SMOC2: variants seen among roughly 807,000 people sequenced by gnomAD.
SMOC2 encodes SPARC-related modular calcium-binding protein 2.
A neutral mutation model predicts 61.4 loss-of-function variants in SMOC2; 39 were observed. The ratio of observed to expected loss-of-function variants is 0.64; its 90% CI spans 0.49 to 0.83. SMOC2 has a LOEUF of 0.83. SMOC2 is among the 40% of genes least tolerant of loss of function. SMOC2 has a pLI of 0.00. For synonymous variants in SMOC2, 247 were observed against 239.9 expected (o/e 1.03, Z -0.27); for missense variants, 556 against 592.9 (o/e 0.94, Z 0.65).
chr6:168,624,817 AT>A (rs1395326703), intron 9 of SMOC2, among the ~76,000 whole-genome samples: 1 of 151,846 alleles, frequency 6.6e-6, no homozygotes, highest in East Asian at 1.9e-4. Context: ...ACAGACACAC[AT>A]TGACATACAG....
chr6:168,470,229 C>G (rs900225768), intron 1 of SMOC2, among the ~76,000 whole-genome samples: 2 of 152,248 alleles, frequency 1.3e-5, no homozygotes, highest in African/African-American at 4.8e-5. Flanking sequence ...CTGCCAGTAT[C>G]AGTCTCTGCT....
intron 9 of SMOC2, among the ~76,000 whole-genome samples, chr6:168,614,055 G>C (rs1459111845): frequency 4.9e-5 from 4 of 81,236 alleles, no homozygotes; most frequent in Admixed American, 1.3e-4. Context: ...ACAGCCAGCA[G>C]GGGGCCTCTT....
intron 3 of SMOC2, among the ~76,000 whole-genome samples, chr6:168,527,261 C>T (rs1254796116): frequency 6.6e-6 from 1 of 152,088 alleles, no homozygotes; most frequent in Non-Finnish European, 1.5e-5. Context: ...CTAAAGAGGC[C>T]GAGGTTGCTC....
chr6:168,551,141 G>A (rs914418612), intron 7 of SMOC2, among the ~76,000 whole-genome samples: 3 of 152,116 alleles, frequency 2.0e-5, no homozygotes, highest in Non-Finnish European at 2.9e-5. Flanking sequence ...TAACCCCTTC[G>A]CTGGGCACTT....
chr6:168,459,085 G>A (rs1431802411), intron 1 of SMOC2, among the ~76,000 whole-genome samples: 2 of 152,144 alleles, frequency 1.3e-5, no homozygotes, highest in Non-Finnish European at 2.9e-5. Context: ...TCGATGTGGT[G>A]GGTGCTCTCA....
At chr6:168,664,632 C>T in intron 12 of SMOC2, 2 of 440,096 alleles carry the variant, frequency 4.5e-6, no homozygotes, top group South Asian at 1.7e-5. Flanking sequence ...TTTTGGGGTC[C>T]CAGCAAGACA....
intron 9 of SMOC2, among the ~76,000 whole-genome samples, chr6:168,623,329 A>ATTTTTTTTT (rs11284179): frequency 1.8e-4 from 23 of 129,072 alleles, no homozygotes; most frequent in South Asian, 5.0e-4. Context: ...TGGATAATTA[A>ATTTTTTTTT]TTTTTTTTTT....
At chr6:168,533,549 C>A (rs555857052) in intron 4 of SMOC2, among the ~76,000 whole-genome samples, 1 of 152,288 alleles carries the variant, frequency 6.6e-6, no homozygotes, top group Non-Finnish European at 1.5e-5. Context: ...ATTCCCAAAT[C>A]CTGAGATCAA....
chr6:168,624,006 A>G (rs1372777465), intron 9 of SMOC2, among the ~76,000 whole-genome samples: 1 of 152,194 alleles, frequency 6.6e-6, no homozygotes, highest in East Asian at 1.9e-4. Context: ...CCTGCAGCTC[A>G]GGGGCGCTCA....
chr6:168,659,570 T>A (rs71552353), intron 11 of SMOC2, among the ~76,000 whole-genome samples: 1 of 68,612 alleles, frequency 1.5e-5, no homozygotes, highest in African/African-American at 5.7e-5. Context: ...AGGTTGTAGG[T>A]TGAGTCAGGG....
intron 2 of SMOC2, among the ~76,000 whole-genome samples, chr6:168,526,115 T>G (rs955593168): frequency 6.6e-6 from 1 of 152,222 alleles, no homozygotes; most frequent in Non-Finnish European, 1.5e-5. Flanking sequence ...GGGCCTGCCC[T>G]TCCCGCCCCT....
At chr6:168,555,948 G>A (rs1784238953) in intron 7 of SMOC2, among the ~76,000 whole-genome samples, 1 of 152,156 alleles carries the variant, frequency 6.6e-6, no homozygotes, top group South Asian at 2.1e-4. Context: ...GCCAGACACC[G>A]CTGGGGGCAC....
At chr6:168,447,668 C>G (rs1781359975) in intron 1 of SMOC2, among the ~76,000 whole-genome samples, 1 of 152,118 alleles carries the variant, frequency 6.6e-6, no homozygotes, top group Admixed American at 6.5e-5. Context: ...AACAAAGTTT[C>G]TGAAGGTGGA....
At chr6:168,621,622 A>G (rs970342258) in intron 9 of SMOC2, among the ~76,000 whole-genome samples, 1 of 152,220 alleles carries the variant, frequency 6.6e-6, no homozygotes, top group African/African-American at 2.4e-5. Context: ...GGAAACTTAC[A>G]ATCATGGCAG....
intron 1 of SMOC2, among the ~76,000 whole-genome samples, chr6:168,451,597 CTG>C (rs142913167): frequency 1.8e-5 from 2 of 109,000 alleles, no homozygotes; most frequent in African/African-American, 3.7e-5. Context: ...CTCTCTGTCT[CTG>C]TCTCTCTCTC....
chr6:168,597,476 T>A (rs540568494), intron 7 of SMOC2, among the ~76,000 whole-genome samples: 4 of 152,218 alleles, frequency 2.6e-5, no homozygotes, highest in Admixed American at 6.5e-5. Flanking sequence ...ACTGCACCTA[T>A]AATCGCTTTT....
intron 9 of SMOC2, among the ~76,000 whole-genome samples, chr6:168,647,606 C>T (rs1307418211): frequency 1.3e-5 from 2 of 152,004 alleles, no homozygotes; most frequent in Non-Finnish European, 2.9e-5. Context: ...GGTCGTTTCT[C>T]TTTTACCTCA....
chr6:168,456,959 G>A (rs1374883868), intron 1 of SMOC2, among the ~76,000 whole-genome samples: 3 of 152,154 alleles, frequency 2.0e-5, no homozygotes, highest in Non-Finnish European at 4.4e-5. Flanking sequence ...CAAGACTAGG[G>A]CTGCAGGGTT....
intron 9 of SMOC2, among the ~76,000 whole-genome samples, chr6:168,621,969 CTT>C: frequency 6.7e-6 from 1 of 148,386 alleles, no homozygotes; most frequent in East Asian, 2.0e-4. Flanking sequence ...GATTAATCTT[CTT>C]TTTTTTTTTC....
Sources: gnomAD v4.1 joint callset for allele counts (sites outside exome capture counted in the v4.1 genomes callset) on GRCh38, gnomAD v4.1.1 for gene constraint, MANE v1.5 for transcripts, NCBI Gene and HGNC (gene_info 2026-07-23, HGNC 2026-07-21) for gene names.